APC: variants seen among roughly 807,000 people sequenced by gnomAD.
The protein encoded by APC is adenomatous polyposis coli protein.
Under a neutral mutation model 247.0 loss-of-function variants are expected in APC, and 72 were observed. The ratio of observed to expected loss-of-function variants is 0.29; its 90% CI spans 0.24 to 0.35. APC has a LOEUF of 0.35. Among genes scored for constraint, APC ranks in the 10% least tolerant of loss-of-function variants. The pLI is 1.00. For missense variants in APC, 3,400 were observed against 3,360.7 expected (o/e 1.01, Z -0.29); for synonymous variants, 1,254 against 1,162.5 (o/e 1.08, Z -1.60).
intron 10 of APC, among the ~76,000 whole-genome samples, chr5:112,819,962 C>T (rs1173902422): frequency 6.6e-6 from 1 of 152,134 alleles, no homozygotes; most frequent in African/African-American, 2.4e-5. Context: ...GGTGCTCTTC[C>T]TACTGTACCA....
chr5:112,715,335 T>C (rs1274375085), intron 1 of APC, among the ~76,000 whole-genome samples: 1 of 152,090 alleles, frequency 6.6e-6, no homozygotes, highest in Non-Finnish European at 1.5e-5. Context: ...TATGTACACA[T>C]ACACACACAC....
chr5:112,708,767 AT>A (rs1292074502), intron 1 of APC, among the ~76,000 whole-genome samples: 1 of 152,200 alleles, frequency 6.6e-6, no homozygotes, highest in Non-Finnish European at 1.5e-5. Flanking sequence ...AATTGCTTGT[AT>A]TCTCGATTGT....
At chr5:112,794,890 G>A (rs1760033254) in intron 7 of APC, among the ~76,000 whole-genome samples, 1 of 152,230 alleles carries the variant, frequency 6.6e-6, no homozygotes, top group South Asian at 2.1e-4. Context: ...TAAGGATACA[G>A]ATCAAGAATG....
chr5:112,745,244 C>T (rs1432585148), intron 1 of APC, among the ~76,000 whole-genome samples: 1 of 151,902 alleles, frequency 6.6e-6, no homozygotes, highest in African/African-American at 2.4e-5. Context: ...ATTTTATAAG[C>T]AATAGTCTTC....
At chr5:112,725,440 A>G (rs900401220) in intron 1 of APC, among the ~76,000 whole-genome samples, 4 of 152,112 alleles carry the variant, frequency 2.6e-5, no homozygotes, top group African/African-American at 9.7e-5. Context: ...GAATAGTGTT[A>G]GAAACAAAAC....
upstream of APC, among the ~76,000 whole-genome samples, chr5:112,734,098 C>G (rs1561414231): frequency 6.6e-6 from 1 of 152,160 alleles, no homozygotes; most frequent in South Asian, 2.1e-4. Context: ...GAGGCCAAGG[C>G]AGGAGGATCA....
At chr5:112,724,789 G>T (rs6869572) in intron 1 of APC, among the ~76,000 whole-genome samples, 45 of 152,234 alleles carry the variant, frequency 3.0e-4, no homozygotes, top group African/African-American at 8.7e-4. Flanking sequence ...ATTCCAAATG[G>T]TTGGAGTGTA....
intron 7 of APC, among the ~76,000 whole-genome samples, chr5:112,796,165 A>G (rs911412428): frequency 6.6e-6 from 1 of 152,238 alleles, no homozygotes; most frequent in Non-Finnish European, 1.5e-5. Context: ...ATAGTATACC[A>G]TCTGCCAGCT....
At chr5:112,798,591 A>G (rs1200397636) in intron 7 of APC, among the ~76,000 whole-genome samples, 4 of 152,254 alleles carry the variant, frequency 2.6e-5, no homozygotes, top group African/African-American at 9.6e-5. Flanking sequence ...CACCTAGAGT[A>G]GAAAACCTTG....
intron 2 of APC, among the ~76,000 whole-genome samples, chr5:112,759,041 T>C (rs1207572921): frequency 6.6e-6 from 1 of 152,226 alleles, no homozygotes; most frequent in East Asian, 1.9e-4. Context: ...ATTTACATCT[T>C]TGTTGTAGTT....
At chr5:112,803,218 G>T (rs2149718382) in intron 8 of APC, among the ~76,000 whole-genome samples, 1 of 152,234 alleles carries the variant, frequency 6.6e-6, no homozygotes, top group East Asian at 1.9e-4. Context: ...TTTGTCAAAT[G>T]CATCTAGCAT....
At chr5:112,749,969 T>G (rs1286209903) in intron 1 of APC, among the ~76,000 whole-genome samples, 3 of 129,908 alleles carry the variant, frequency 2.3e-5, no homozygotes, top group Admixed American at 8.2e-5. Flanking sequence ...TTTTTTTTTG[T>G]TTTTTTTTTT....
At chr5:112,810,586 C>G (rs1235064765) in intron 8 of APC, among the ~76,000 whole-genome samples, 2 of 152,146 alleles carry the variant, frequency 1.3e-5, no homozygotes, top group African/African-American at 4.8e-5. Context: ...CTCACATGCT[C>G]AAATTTCTCT....
chr5:112,798,776 A>G (rs546688584), intron 7 of APC, among the ~76,000 whole-genome samples: 22 of 152,332 alleles, frequency 1.4e-4, no homozygotes, highest in South Asian at 8.3e-4. Flanking sequence ...AGGAAAGAAA[A>G]TGAAGATAGT....
At chr5:112,723,447 A>G (rs547144262) in intron 1 of APC, among the ~76,000 whole-genome samples, 1 of 152,090 alleles carries the variant, frequency 6.6e-6, no homozygotes, top group East Asian at 1.9e-4. Context: ...GGGGTGACAG[A>G]GTCAGACCCC....
At chr5:112,735,342 ATT>A (rs1183919434), upstream of APC, among the ~76,000 whole-genome samples, 2 of 151,882 alleles carry the variant, frequency 1.3e-5, no homozygotes, top group Admixed American at 6.6e-5. Flanking sequence ...CAGCTGGCTA[ATT>A]TTTTTGTATT....
chr5:112,840,303 A>G lies in APC; in HGVS notation c.4709A>G (p.Asp1570Gly), dbSNP rs373419559. ...GACCTATTAGATGATTCAGATGATGATGATATTGAAATACTAGAAGAATGT... is the reference window on the plus strand; with the variant it reads ...GACCTATTAGATGATTCAGATGATGGTGATATTGAAATACTAGAAGAATGT... ...EKDLLDDSDD[D>G]DIEILEECII... is the part of the protein sequence containing the mutation. The change falls in exon 16 of 16, where the codon GAT becomes GGT. Residue 1570 changes from aspartate (D) to glycine (G), a missense_variant. Asp to Gly is a moderately conservative substitution (Grantham distance 94). Transcript: ENST00000257430. This position sits in a 1 kb window ranked among gnomAD's most constrained non-coding sequence, Gnocchi z 4.1. 21 of 1,614,088 alleles carry G rather than the reference A, an allele frequency of 1.3e-5. No homozygotes were observed. Among genetic ancestry groups the G allele is most frequent in the Non-Finnish European group, 1.5e-5 (18 of 1,180,026 alleles).
chr5:112,800,392 T>G (rs1256417779), intron 7 of APC, among the ~76,000 whole-genome samples: 1 of 152,212 alleles, frequency 6.6e-6, no homozygotes, highest in Non-Finnish European at 1.5e-5. Context: ...AGCATATAAC[T>G]GATACTAGTT....
rs908214296 is a variant in APC at position 112,841,733 on chromosome 5, A to G, written c.6139A>G (p.Met2047Val). 2 of 1,613,920 alleles carry G rather than the reference A, an allele frequency of 1.2e-6. No homozygotes were observed. Among genetic ancestry groups the G allele is most frequent in the Non-Finnish European group, 1.7e-6 (2 of 1,179,782 alleles). The change falls in exon 16 of 16, where the codon ATG becomes GTG. Residue 2047 changes from methionine to valine, a missense_variant. By Grantham distance (21) the Met-to-Val change is conservative. Coordinates refer to ENST00000257430, the MANE Select transcript of APC (RefSeq NM_000038.6). The surrounding 1 kb of genome is among the most constrained non-coding windows in gnomAD (Gnocchi z 4.6). ...GTTGCAGGAATGTATAAGCTCCGCA[A>G]TGCCAAAAAAGAAAAAGCCTTCAAG... is the stretch of plus-strand genomic sequence containing the variant. ...DLLQECISSA[M>V]PKKKKPSRLK...
Sources: allele counts gnomAD v4.1 joint callset (sites outside exome capture counted in the v4.1 genomes callset), GRCh38; gene constraint gnomAD v4.1.1; non-coding constraint Gnocchi (gnomAD v3.1); transcripts MANE v1.5; gene names NCBI Gene and HGNC (gene_info 2026-07-23, HGNC 2026-07-21).